The following NFATC2 variants were observed in gnomAD, a reference collection of about 807,000 sequenced individuals.
NFATC2 encodes the protein nuclear factor of activated T-cells, cytoplasmic 2.
A neutral mutation model predicts 87.3 loss-of-function variants in NFATC2; 22 were observed. The ratio of observed to expected loss-of-function variants is 0.25; its 90% CI spans 0.18 to 0.36. The LOEUF is 0.36. NFATC2 is among the 10% of genes least tolerant of loss of function. The probability of loss-of-function intolerance (pLI) is 1.00; values close to 1 mark genes in which losing one functional copy is unlikely to be tolerated. For missense variants in NFATC2, 1,149 were observed against 1,259.1 expected (o/e 0.91, Z 1.32); for synonymous variants, 565 against 542.2 (o/e 1.04, Z -0.58).
chr20:51,488,815 G>C (rs1430302721), intron 3 of NFATC2, among the ~76,000 whole-genome samples: 1 of 152,172 alleles, frequency 6.6e-6, no homozygotes, highest in African/African-American at 2.4e-5. Context: ...TCCACAAGCA[G>C]CCAGAGGGAT....
chr20:51,502,842 G>A (rs2146635130), intron 3 of NFATC2, among the ~76,000 whole-genome samples: 1 of 152,302 alleles, frequency 6.6e-6, no homozygotes. Flanking sequence ...AGGAACATGG[G>A]ATTCACTTAG....
intron 3 of NFATC2, among the ~76,000 whole-genome samples, chr20:51,491,350 A>C (rs2075879906): frequency 6.6e-6 from 1 of 152,134 alleles, no homozygotes; most frequent in South Asian, 2.1e-4. Context: ...CCAAAACTAA[A>C]AAGTGGCATT....
intron 3 of NFATC2, among the ~76,000 whole-genome samples, chr20:51,485,942 T>A (rs1280696133): frequency 6.6e-6 from 1 of 152,176 alleles, no homozygotes; most frequent in East Asian, 1.9e-4. Context: ...TAACATGTCA[T>A]GATCTTCAGG....
intron 3 of NFATC2, among the ~76,000 whole-genome samples, chr20:51,500,887 A>G: frequency 1.7e-5 from 1 of 58,636 alleles, no homozygotes. Context: ...GAGAAGGAGG[A>G]ACCAACAAAA....
chr20:51,526,931 C>T (rs77042341), intron 1 of NFATC2, among the ~76,000 whole-genome samples: 6,011 of 152,210 alleles, frequency 0.039, 176 homozygotes, highest in Middle Eastern at 0.092. Flanking sequence ...TGAGGTCTTA[C>T]TCAGCTGCCC....
chr20:51,504,276 C>A (rs1302109698), intron 3 of NFATC2, among the ~76,000 whole-genome samples: 2 of 152,180 alleles, frequency 1.3e-5, no homozygotes, highest in Non-Finnish European at 2.9e-5. Context: ...CCCGCCTCAG[C>A]CTCCCAAAGT....
intron 3 of NFATC2, among the ~76,000 whole-genome samples, chr20:51,477,563 ATAT>A (rs1168120536): frequency 2.4e-5 from 3 of 124,958 alleles, no homozygotes; most frequent in Non-Finnish European, 5.2e-5. Context: ...ATATATATAT[ATAT>A]ATATATATAT....
intron 9 of NFATC2, among the ~76,000 whole-genome samples, chr20:51,413,002 C>CA (rs1345338529): frequency 7.3e-6 from 1 of 137,012 alleles, no homozygotes; most frequent in African/African-American, 2.7e-5. Context: ...CGCCGCCCCC[C>CA]CCCCTCCCCG....
chr20:51,444,404 C>G (rs985260500), intron 6 of NFATC2, among the ~76,000 whole-genome samples: 2 of 151,814 alleles, frequency 1.3e-5, no homozygotes, highest in African/African-American at 4.8e-5. Context: ...CCTATACTTT[C>G]GTTGGTTTCC....
intron 9 of NFATC2, among the ~76,000 whole-genome samples, chr20:51,413,004 C>G (rs1355130245): frequency 2.2e-4 from 31 of 138,102 alleles, no homozygotes; most frequent in South Asian, 1.6e-3. Context: ...CCGCCCCCCC[C>G]CCTCCCCGCC....
intron 5 of NFATC2, among the ~76,000 whole-genome samples, chr20:51,466,477 G>T (rs1222321338): frequency 6.7e-6 from 1 of 150,048 alleles, no homozygotes; most frequent in African/African-American, 2.4e-5. Flanking sequence ...CATCGGGGTC[G>T]TAGGTTGTCT....
At chr20:51,412,303 C>T (rs760703977) in intron 9 of NFATC2, among the ~76,000 whole-genome samples, 10 of 152,174 alleles carry the variant, frequency 6.6e-5, no homozygotes, top group East Asian at 1.9e-4. Context: ...AAGGGGTCTG[C>T]GACCAAAAGG....
At position 51,542,621 on chromosome 20, in the gene NFATC2, CGCACGCCGGGTCCGG is replaced by C; in HGVS notation, c.-137_-123del. On this transcript the variant is annotated 5_prime_UTR_variant, in exon 1 of 11. Transcript: ENST00000371564. ...GGCGGGGTCCCTTTCCTCGTAGGGACGCACGCCGGGTCCGGGGACGGCGCGCCTGGCGCAGCGGGT... is the reference window on the plus strand; with the variant it reads ...GGCGGGGTCCCTTTCCTCGTAGGGACGGACGGCGCGCCTGGCGCAGCGGGT... The C allele has an allele frequency of 8.3e-7, 1 of 1,211,612 alleles. No homozygotes were observed. The allele number at this position is 1,211,612 out of a possible 1,614,324, so 75.1% of individuals were successfully genotyped here.
chr20:51,394,258 A>AG (rs1027645842), intron 10 of NFATC2, among the ~76,000 whole-genome samples: 23 of 152,092 alleles, frequency 1.5e-4, no homozygotes, highest in South Asian at 2.1e-4. Flanking sequence ...AAGTTCTGAG[A>AG]GGGGGGTCTC....
At chr20:51,415,373 T>C (rs1189057426) in intron 9 of NFATC2, among the ~76,000 whole-genome samples, 1 of 152,218 alleles carries the variant, frequency 6.6e-6, no homozygotes, top group Non-Finnish European at 1.5e-5. Flanking sequence ...CTCCTGCTAC[T>C]ATAGACAAGG....
At position 51,523,806 on chromosome 20, in the gene NFATC2, C is replaced by T; in HGVS notation, c.435G>A (p.Val145=). Residue 145 remains valine (V), a synonymous_variant, in exon 2 of 11, where the codon GTG becomes GTA. Transcript: ENST00000371564. The surrounding 1 kb of genome is among the most constrained non-coding windows in gnomAD (Gnocchi z 6.9). ...LLVEQPPLAG[V]AASPRFTLPV... is the part of the protein sequence containing the mutation. ...GCAGGGTGAACCTCGGGCTGGCGGC[C>T]ACCCCGGCCAGGGGCGGCTGCTCCA... is the stretch of plus-strand genomic sequence containing the variant. 1 of 1,609,584 alleles carries T rather than the reference C, an allele frequency of 6.2e-7. No homozygotes were observed. Among genetic ancestry groups the T allele is most frequent in the Non-Finnish European group, 8.5e-7 (1 of 1,177,886 alleles).
chr20:51,481,631 C>A (rs1303442671), intron 3 of NFATC2, among the ~76,000 whole-genome samples: 2 of 152,032 alleles, frequency 1.3e-5, no homozygotes, highest in African/African-American at 2.4e-5. Context: ...GGGTGGGGGC[C>A]CAGGCTGCAG....
At position 51,388,269 on chromosome 20, in the gene NFATC2, G is replaced by T. The variant is rs986289265; in HGVS notation, c.*3227C>A. Reference sequence around the variant, plus strand: ...AATCACCTACTAAATTAGTTATTTTGGGGGGAGGATCTAGACACTTGATGA... The same window carrying T: ...AATCACCTACTAAATTAGTTATTTTTGGGGGAGGATCTAGACACTTGATGA... On this transcript the variant is annotated 3_prime_UTR_variant, in exon 11 of 11. Coordinates refer to ENST00000371564, the MANE Select transcript of NFATC2 (RefSeq NM_012340.5). The T allele has an allele frequency of 4.6e-5, 7 of 152,220 alleles. No homozygotes were observed. The highest frequency in any genetic ancestry group is 1.7e-4 in the African/African-American group (7 of 41,540). The allele number at this position is 152,220 out of a possible 1,614,324, so 9.4% of individuals were successfully genotyped here. A position where few individuals can be genotyped will look rare whatever the true frequency, so the allele number is the denominator to read the frequency against.
chr20:51,460,723 T>C (rs987717742), intron 5 of NFATC2, among the ~76,000 whole-genome samples: 4 of 151,950 alleles, frequency 2.6e-5, no homozygotes, highest in African/African-American at 7.2e-5. Flanking sequence ...TCCGCACGCC[T>C]CGCCCTCCCA....
Sources: allele counts gnomAD v4.1 joint callset (sites outside exome capture counted in the v4.1 genomes callset), GRCh38; gene constraint gnomAD v4.1.1; non-coding constraint Gnocchi (gnomAD v3.1); transcripts MANE v1.5; gene names NCBI Gene and HGNC (gene_info 2026-07-23, HGNC 2026-07-21).